The following TRPM6 variants were observed in gnomAD, a reference collection of about 807,000 sequenced individuals.
TRPM6 encodes the protein transient receptor potential cation channel subfamily M member 6.
TRPM6 carries 111 observed loss-of-function variants against 247.6 expected under a neutral mutation model. The ratio of observed to expected loss-of-function variants is 0.45; its 90% confidence interval spans 0.38 to 0.52. The LOEUF (loss-of-function observed/expected upper bound fraction) is 0.52, where lower values mean the gene tolerates loss of function less well. Ranked by LOEUF, TRPM6 falls within the 20% of genes least tolerant of loss-of-function variation. The probability of loss-of-function intolerance (pLI) is 0.00; values close to 1 mark genes in which losing one functional copy is unlikely to be tolerated. For missense variants in TRPM6, 2,126 were observed against 2,421.5 expected (o/e 0.88, Z 2.56); for synonymous variants, 892 against 853.8 (o/e 1.04, Z -0.78).
At chr9:74,884,528 C>CATA (rs1252843864) in intron 1 of TRPM6, among the ~76,000 whole-genome samples, 2 of 151,926 alleles carry the variant, frequency 1.3e-5, no homozygotes, top group East Asian at 3.9e-4. Flanking sequence ...TACATACATA[C>CATA]ATACATACAT....
rs1012498021 is a variant in TRPM6, at chr9:74,757,165, A to G, written c.4786-1692T>C. On this transcript the variant is annotated intron_variant, in intron 27 of 38. Transcript: ENST00000360774. ...TGCACTCCAGCCTACACGACAGAGA[A>G]AGACTTTGTCTAAAAAAACAAACTA... is the stretch of plus-strand genomic sequence containing the variant. Among the ~76,000 whole-genome samples, 3 of 151,164 alleles carry G rather than the reference A, an allele frequency of 2.0e-5. No homozygotes were observed. In the East Asian group the frequency reaches 5.9e-4, roughly 30 times the overall value.
intron 11 of TRPM6, 121 bp downstream of exon 11, chr9:74,816,548 A>G (rs1828937911): frequency 5.1e-6 from 4 of 778,332 alleles, no homozygotes; most frequent in Non-Finnish European, 8.7e-6. Context: ...TCCCAGCTAC[A>G]GAGATGCTAC....
intron 2 of TRPM6, among the ~76,000 whole-genome samples, chr9:74,856,856 G>C (rs988772983): frequency 1.3e-5 from 2 of 152,064 alleles, no homozygotes; most frequent in African/African-American, 4.8e-5. Flanking sequence ...AAAAAGGCTG[G>C]CTAGAAGAAA....
At position 74,785,634 on chromosome 9, in the gene TRPM6, C is replaced by T. The variant is rs182064251; in HGVS notation, c.2919+240G>A. 5.4e-3 allele frequency among the ~76,000 whole-genome samples: 828 copies of T among 152,184 alleles called. 1 individual carries two copies. Among genetic ancestry groups the T allele is most frequent in the African/African-American group, 8.7e-3 (360 of 41,524 alleles). ...GCCTCCCGGGTTCGTGCTATTCTCC[C>T]GCCTCAGCCTCCTGAGTAGCTGGGA... On this transcript the variant is annotated intron_variant, in intron 21 of 38. Coordinates refer to ENST00000360774, the MANE Select transcript of TRPM6 (RefSeq NM_017662.5).
intron 27 of TRPM6, 79 bp from the exon 28 acceptor site, chr9:74,755,552 G>GT: frequency 6.4e-7 from 1 of 1,559,370 alleles, no homozygotes; most frequent in South Asian, 1.1e-5. Flanking sequence ...AAGCACCATG[G>GT]TGAAGGGCAG....
At chr9:74,759,716 C>T (rs1283054910) in intron 27 of TRPM6, among the ~76,000 whole-genome samples, 3 of 151,522 alleles carry the variant, frequency 2.0e-5, no homozygotes, top group African/African-American at 7.3e-5. Flanking sequence ...GTGATCTTGG[C>T]AAAAATATTT....
At chr9:74,728,617 T>C (rs1408693801) in intron 37 of TRPM6, among the ~76,000 whole-genome samples, 4 of 152,242 alleles carry the variant, frequency 2.6e-5, no homozygotes, top group African/African-American at 9.6e-5. Flanking sequence ...ATTTTCTATG[T>C]ACCACATTAA....
At position 74,762,403 on chromosome 9, in the gene TRPM6, A is replaced by G; in HGVS notation, c.4268T>C (p.Val1423Ala). Residue 1423 changes from valine to alanine, a missense_variant, in exon 26 of 39, where the codon GTG becomes GCG. Val to Ala is a moderately conservative substitution (Grantham distance 64). This residue lies in a region of TRPM6 where 717 missense variants were observed against 715.9 expected (regional missense o/e 1.00). Transcript: ENST00000360774. ...LLDGQDKAEQ[V>A]LPTLSCTPEP... ...AGGTGTGCAACTCAAAGTGGGTAGCACTTGCTCTGCCTTGTCTTGTCCATC... is the reference window on the plus strand; with the variant it reads ...AGGTGTGCAACTCAAAGTGGGTAGCGCTTGCTCTGCCTTGTCTTGTCCATC... 6.2e-7 allele frequency: 1 copy of G among 1,614,204 alleles called. No individual in the cohort carries two copies. Among genetic ancestry groups the G allele is most frequent in the Non-Finnish European group, 8.5e-7 (1 of 1,180,034 alleles).
chr9:74,864,672 A>G (rs1290112547), intron 1 of TRPM6, among the ~76,000 whole-genome samples: 1 of 152,194 alleles, frequency 6.6e-6, no homozygotes, highest in Non-Finnish European at 1.5e-5. Flanking sequence ...TAAAAATTGA[A>G]TGTCAACTAA....
intron 1 of TRPM6, among the ~76,000 whole-genome samples, chr9:74,862,559 G>C (rs1238539628): frequency 6.6e-6 from 1 of 152,192 alleles, no homozygotes; most frequent in South Asian, 2.1e-4. Context: ...GCAAAGAAAT[G>C]TTCACAGACT....
At chr9:74,754,139 T>C (rs1826359989) in intron 28 of TRPM6, among the ~76,000 whole-genome samples, 1 of 151,740 alleles carries the variant, frequency 6.6e-6, no homozygotes. Flanking sequence ...GGTCCTGGAG[T>C]CATGTCTTTA....
intron 25 of TRPM6, among the ~76,000 whole-genome samples, chr9:74,771,248 C>T (rs1240114879): frequency 6.6e-6 from 1 of 152,218 alleles, no homozygotes; most frequent in African/African-American, 2.4e-5. Flanking sequence ...GTCCACTCAA[C>T]CCCCAGCTCC....
rs570212363 is a variant in TRPM6, at chr9:74,786,946, C to T, written c.2668-821G>A. ...GGGTGCAGTGGCTCACGCCTGTAAT[C>T]CCAACACTTTGGGAGGCCGAGGCAG... On this transcript the variant is annotated intron_variant, in intron 20 of 38. Transcript: ENST00000360774. Among the ~76,000 whole-genome samples the T allele has an allele frequency of 3.9e-5, 6 of 152,300 alleles. No individual in the cohort carries two copies. The South Asian group carries it at 1.2e-3, about 32-fold the overall frequency.
chr9:74,790,362 T>G (rs1354715194), intron 19 of TRPM6, among the ~76,000 whole-genome samples: 2 of 152,200 alleles, frequency 1.3e-5, no homozygotes, highest in African/African-American at 4.8e-5. Context: ...AGGGACACAC[T>G]TTAAGTTAAT....
intron 15 of TRPM6, among the ~76,000 whole-genome samples, chr9:74,803,007 T>C (rs567274527): frequency 1.3e-5 from 2 of 152,284 alleles, no homozygotes; most frequent in East Asian, 3.9e-4. Flanking sequence ...CTCAGTATAA[T>C]GCCTGGCAAA....
chr9:74,877,989 G>C (rs1432243074), intron 1 of TRPM6, among the ~76,000 whole-genome samples: 1 of 152,006 alleles, frequency 6.6e-6, no homozygotes, highest in Non-Finnish European at 1.5e-5. Context: ...CACCATCCAG[G>C]GGCCTAGGGA....
intron 21 of TRPM6, 65 bp from the exon 22 acceptor site, chr9:74,782,918 C>T: frequency 6.8e-7 from 1 of 1,478,014 alleles, no homozygotes; most frequent in South Asian, 1.1e-5. Flanking sequence ...AAACCAAACA[C>T]CAGCAGCCAT....
intron 15 of TRPM6, 103 bp downstream of exon 15, chr9:74,803,691 T>TAGAGGGA: frequency 1.2e-6 from 1 of 845,416 alleles, no homozygotes; most frequent in Non-Finnish European, 2.1e-6. Flanking sequence ...CACTTATAAA[T>TAGAGGGA]GGTCCCTCTA....
At chr9:74,734,267 T>G (rs553749803) in intron 36 of TRPM6, among the ~76,000 whole-genome samples, 7 of 152,294 alleles carry the variant, frequency 4.6e-5, no homozygotes, top group Non-Finnish European at 7.4e-5. Context: ...ACTAACCTTG[T>G]GGGAAGATTA....
Sources: allele counts gnomAD v4.1 joint callset (sites outside exome capture counted in the v4.1 genomes callset), GRCh38; gene constraint gnomAD v4.1.1; regional missense constraint gnomAD v4.1.1; transcripts MANE v1.5; gene names NCBI Gene and HGNC (gene_info 2026-07-23, HGNC 2026-07-21).